The following DMXL2 variants were observed in gnomAD, a reference collection of about 807,000 sequenced individuals.
DMXL2 encodes the protein dmX-like protein 2.
Under a neutral mutation model 331.1 loss-of-function variants are expected in DMXL2, and 103 were observed. The ratio of observed to expected loss-of-function variants is 0.31; its 90% CI spans 0.27 to 0.37. The LOEUF (loss-of-function observed/expected upper bound fraction) is 0.37, where lower values mean the gene tolerates loss of function less well. DMXL2 is among the 10% of genes least tolerant of loss of function. DMXL2 has a pLI of 1.00. For synonymous variants in DMXL2, 1,281 were observed against 1,252.1 expected (o/e 1.02, Z -0.49); for missense variants, 3,171 against 3,642.9 (o/e 0.87, Z 3.33).
chr15:51,508,160 C>G (rs1567045196), intron 15 of DMXL2, among the ~76,000 whole-genome samples: 1 of 151,822 alleles, frequency 6.6e-6, no homozygotes, highest in Non-Finnish European at 1.5e-5. Flanking sequence ...GGGAACATAA[C>G]ACATCAGGGC....
intron 41 of DMXL2, among the ~76,000 whole-genome samples, chr15:51,452,018 T>C (rs541273912): frequency 6.6e-6 from 1 of 152,336 alleles, no homozygotes; most frequent in South Asian, 2.1e-4. Context: ...AAACAAGATG[T>C]TATTCATGGG....
chr15:51,529,423 C>T (rs774747483), intron 13 of DMXL2, among the ~76,000 whole-genome samples: 20 of 151,984 alleles, frequency 1.3e-4, no homozygotes, highest in Non-Finnish European at 2.8e-4. Flanking sequence ...AAAAGGGATA[C>T]TACAACTGAT....
At chr15:51,591,272 A>G (rs1419115937) in intron 1 of DMXL2, among the ~76,000 whole-genome samples, 1 of 152,230 alleles carries the variant, frequency 6.6e-6, no homozygotes, top group Non-Finnish European at 1.5e-5. Flanking sequence ...CAAACAGCAC[A>G]CCAGGAGATT....
intron 1 of DMXL2, among the ~76,000 whole-genome samples, chr15:51,607,194 C>A (rs570040229): frequency 6.6e-6 from 1 of 151,304 alleles, no homozygotes; most frequent in African/African-American, 2.4e-5. Context: ...CGGTGGCTCA[C>A]GTCTGTAATC....
intron 23 of DMXL2, among the ~76,000 whole-genome samples, chr15:51,485,329 G>T (rs138071200): frequency 6.6e-6 from 1 of 152,146 alleles, no homozygotes; most frequent in Non-Finnish European, 1.5e-5. Context: ...CAAAGACAAG[G>T]ATCTCCTCAT....
chr15:51,493,520 G>C (rs1196127278), intron 19 of DMXL2, among the ~76,000 whole-genome samples: 1 of 152,118 alleles, frequency 6.6e-6, no homozygotes, highest in Non-Finnish European at 1.5e-5. Context: ...ACCAATGGCA[G>C]GCTATTCTCT....
intron 1 of DMXL2, among the ~76,000 whole-genome samples, chr15:51,612,866 T>C (rs541044256): frequency 1.4e-4 from 22 of 152,262 alleles, no homozygotes; most frequent in South Asian, 1.0e-3. Flanking sequence ...TCATCCCCCA[T>C]CTATGACCGT....
chr15:51,545,191 T>C (rs1276206559), intron 8 of DMXL2, among the ~76,000 whole-genome samples: 1 of 152,158 alleles, frequency 6.6e-6, no homozygotes, highest in Non-Finnish European at 1.5e-5. Flanking sequence ...AATAAGATTT[T>C]AATCTTTATG....
At chr15:51,599,586 C>G (rs1188824862) in intron 1 of DMXL2, among the ~76,000 whole-genome samples, 1 of 152,186 alleles carries the variant, frequency 6.6e-6, no homozygotes, top group Non-Finnish European at 1.5e-5. Flanking sequence ...TATACATACA[C>G]ACATTATTCA....
rs75756393 is a variant in DMXL2, at chr15:51,546,945, C to G, written c.746+285G>C. Reference sequence around the variant, plus strand: ...GCTGGACACAAAGTATGTGCAAAGGCCTGTACTAAGCACTTCCCACCCACA... The same window carrying G: ...GCTGGACACAAAGTATGTGCAAAGGGCTGTACTAAGCACTTCCCACCCACA... On this transcript the variant is annotated intron_variant, in intron 7 of 43. Coordinates refer to ENST00000560891, the MANE Select transcript of DMXL2 (RefSeq NM_001378457.1). Among the ~76,000 whole-genome samples, 1,504 of 152,164 alleles carry G rather than the reference C, an allele frequency of 9.9e-3. 19 individuals carry two copies. The highest frequency in any genetic ancestry group is 0.035 in the African/African-American group (1,448 of 41,526).
chr15:51,508,259 T>C (rs1292781939), intron 15 of DMXL2, among the ~76,000 whole-genome samples: 2 of 152,142 alleles, frequency 1.3e-5, no homozygotes, highest in African/African-American at 2.4e-5. Flanking sequence ...CAAACCACCA[T>C]GGCACGTGTA....
In DMXL2 at chr15:51,513,378, G is replaced by T. The variant is rs113143428; in HGVS notation, c.2644+1064C>A. ...ACTACAGAAAAGTAAATTTTAAATT[G>T]GTAAAGCAGTACTGCTGTTATAATG... On this transcript the variant is annotated intron_variant, in intron 15 of 43. Coordinates refer to ENST00000560891, the MANE Select transcript of DMXL2 (RefSeq NM_001378457.1). Among the ~76,000 whole-genome samples, 307 of 152,128 alleles carry T rather than the reference G, an allele frequency of 2.0e-3. 1 individual carries two copies. The highest frequency in any genetic ancestry group is 7.0e-3 in the African/African-American group (290 of 41,510).
chr15:51,511,172 C>T (rs993255420), intron 15 of DMXL2, among the ~76,000 whole-genome samples: 3 of 152,120 alleles, frequency 2.0e-5, no homozygotes, highest in East Asian at 1.9e-4. Flanking sequence ...ACAATGGCAA[C>T]GAAAGCCAAA....
chr15:51,607,318 C>A (rs1450744937), intron 1 of DMXL2, among the ~76,000 whole-genome samples: 2 of 143,526 alleles, frequency 1.4e-5, no homozygotes, highest in East Asian at 4.3e-4. Context: ...TAGCCAGGCA[C>A]GGTGGCAGGT....
intron 19 of DMXL2, 33 bp downstream of exon 19, chr15:51,494,991 G>C (rs1567025907): frequency 2.7e-6 from 4 of 1,509,234 alleles, no homozygotes; most frequent in Non-Finnish European, 3.7e-6. Flanking sequence ...TTAAGTAAAA[G>C]TTGTGCAAAG....
At chr15:51,557,978 C>T (rs1027202602) in intron 6 of DMXL2, among the ~76,000 whole-genome samples, 8 of 152,190 alleles carry the variant, frequency 5.3e-5, no homozygotes, top group Admixed American at 5.2e-4. Context: ...TGTGGATAGA[C>T]TTCAAGATAT....
chr15:51,466,524 G>A (rs1226560044), intron 29 of DMXL2: 1 of 162,784 alleles, frequency 6.1e-6, no homozygotes, highest in Non-Finnish European at 1.3e-5. Flanking sequence ...AAGTCAAGAT[G>A]ACAAGGTAAA....
At chr15:51,457,254 C>G in intron 37 of DMXL2, 74 bp downstream of exon 37, 1 of 1,485,190 alleles carries the variant, frequency 6.7e-7, no homozygotes, top group Non-Finnish European at 9.2e-7. Flanking sequence ...TAGGATCATT[C>G]CTATGTCAAA....
At chr15:51,566,507 C>T (rs2050301820) in intron 3 of DMXL2, among the ~76,000 whole-genome samples, 1 of 151,952 alleles carries the variant, frequency 6.6e-6, no homozygotes, top group Non-Finnish European at 1.5e-5. Flanking sequence ...ATCTGTGGAG[C>T]AACTACCTTG....
Sources: gnomAD v4.1 joint callset for allele counts (sites outside exome capture counted in the v4.1 genomes callset) on GRCh38, gnomAD v4.1.1 for gene constraint, MANE v1.5 for transcripts, NCBI Gene and HGNC (gene_info 2026-07-23, HGNC 2026-07-21) for gene names.